SLC13A4: variants seen among roughly 807,000 people sequenced by gnomAD.
SLC13A4 encodes Na(+)/sulfate cotransporter SUT-1.
A neutral mutation model predicts 72.7 loss-of-function variants in SLC13A4; 28 were observed. The ratio of observed to expected loss-of-function variants is 0.39; its 90% CI spans 0.29 to 0.53. The LOEUF is 0.53. Ranked by LOEUF, SLC13A4 falls within the 20% of genes least tolerant of loss-of-function variation. The pLI is 0.78. For synonymous variants in SLC13A4, 312 were observed against 325.5 expected, an observed-to-expected ratio of 0.96 and a Z score of 0.45; for missense variants, 653 against 788.0, an observed-to-expected ratio of 0.83 and a Z score of 2.05.
chr7:135,684,267 A>G lies in SLC13A4; in HGVS notation c.1609-6T>C, dbSNP rs193073312. The stretch of plus-strand genomic sequence containing the variant: ...TTAATGTGCAGCGTTTCAGACTAGA[A>G]GAGAGAATTCACAGAAACATTCACG... On this transcript the variant is annotated splice_polypyrimidine_tract_variant and splice_region_variant and intron_variant, in intron 14 of 15. Transcript: ENST00000682651. 6.3e-7 allele frequency: 1 copy of G among 1,589,938 alleles called. No individual in the cohort carries two copies. The highest frequency in any genetic ancestry group is 8.6e-7 in the Non-Finnish European group (1 of 1,164,636).
intron 13 of SLC13A4, among the ~76,000 whole-genome samples, chr7:135,688,703 A>G (rs1037538022): frequency 3.9e-5 from 6 of 152,222 alleles, no homozygotes; most frequent in Non-Finnish European, 5.9e-5. Context: ...AAAACATTTT[A>G]CAATGGATTT....
At chr7:135,683,681 G>A (rs147013931) in intron 15 of SLC13A4, 1 of 985,430 alleles carries the variant, frequency 1.0e-6, no homozygotes, top group African/African-American at 1.7e-5. Context: ...CCGGGGTGGA[G>A]GGTGAGTTGA....
In SLC13A4 at chr7:135,687,670, C is replaced by G. The variant is rs185652380; in HGVS notation, c.1447-1987G>C. 6.3e-3 allele frequency among the ~76,000 whole-genome samples: 959 copies of G among 152,296 alleles called. 9 individuals carry two copies. Among genetic ancestry groups the G allele is most frequent in the Middle Eastern group, 0.01 (3 of 294 alleles). ...GCCTCCAGGAACTCTTTAATTGTTC[C>G]CTCTGGTAACACATTAAACCTTGCT... On this transcript the variant is annotated intron_variant, in intron 13 of 15. Transcript: ENST00000682651.
chr7:135,689,039 C>G (rs1423361151), intron 13 of SLC13A4: 1 of 151,976 alleles, frequency 6.6e-6, no homozygotes, highest in Non-Finnish European at 1.5e-5. Context: ...GTACGCACCA[C>G]CACACTGGGC....
rs1160400694 is a variant in SLC13A4, at chr7:135,699,505, A to G, written c.758T>C (p.Leu253Pro). ...ATGGTGGGACCTGTACTTTCTGTTC[A>G]GCTTCTGCTTCCTGGGGCTGGGGGT... ...VLTPSPRKQK[L>P]NRKYRSHHDQ... The change falls in exon 8 of 16, where the codon CTG (leucine) becomes CCG (proline). Residue 253 changes from leucine to proline, a missense_variant. Physicochemically the swap from Leu to Pro is moderately conservative, Grantham distance 98. Coordinates refer to ENST00000682651, the MANE Select transcript of SLC13A4 (RefSeq NM_001318192.2). 1.2e-6 allele frequency: 2 copies of G among 1,611,442 alleles called. No homozygotes were observed. Among genetic ancestry groups the G allele is most frequent in the South Asian group, 2.2e-5 (2 of 90,224 alleles).
chr7:135,712,558 C>G (rs1340906613), intron 2 of SLC13A4, among the ~76,000 whole-genome samples: 2 of 151,976 alleles, frequency 1.3e-5, no homozygotes, highest in East Asian at 3.9e-4. Flanking sequence ...GCTGGCATGG[C>G]CTGCCACATT....
chr7:135,698,953 T>A (rs542084381), intron 8 of SLC13A4, among the ~76,000 whole-genome samples: 2 of 152,178 alleles, frequency 1.3e-5, no homozygotes, highest in South Asian at 4.1e-4. Context: ...TTTTGTTTTT[T>A]AAATAGAGAC....
chr7:135,724,643 G>A (rs1428037458), intron 1 of SLC13A4, among the ~76,000 whole-genome samples: 1 of 152,098 alleles, frequency 6.6e-6, no homozygotes, highest in African/African-American at 2.4e-5. Context: ...TGTTAGACAT[G>A]CGACTAGGTT....
intron 1 of SLC13A4, among the ~76,000 whole-genome samples, chr7:135,723,003 T>C (rs1392962415): frequency 1.3e-5 from 2 of 152,178 alleles, no homozygotes; most frequent in Non-Finnish European, 2.9e-5. Context: ...TCCTGTGCAC[T>C]GTAAAAGAGC....
rs764044954 is a variant in SLC13A4, at chr7:135,721,540, G to A, written c.100-17C>T. 4 of 1,613,432 alleles carry A rather than the reference G, an allele frequency of 2.5e-6. No homozygotes were observed. In the Admixed American group the frequency reaches 5.0e-5, roughly 20 times the overall value. On this transcript the variant is annotated splice_polypyrimidine_tract_variant and intron_variant, in intron 1 of 15. Coordinates refer to ENST00000682651, the MANE Select transcript of SLC13A4 (RefSeq NM_001318192.2). ...CGAGGCCTCCTGCAAGGCAAGGAAA[G>A]GGGCCGTCATTCACAGGAATAGTCA...
In SLC13A4 at chr7:135,716,314, AAAT is replaced by A. The variant is rs1796433719; in HGVS notation, c.228+5078_228+5080del. 2.0e-5 allele frequency among the ~76,000 whole-genome samples: 3 copies of A among 152,156 alleles called. No individual in the cohort carries two copies. The South Asian group carries it at 6.2e-4, about 32-fold the overall frequency. ...ATTTATTAATTTTTAAAATTAAAAAAAATTTTTTTAGATGGAGCCTAGCTCTGT... is the reference window on the plus strand; with the variant it reads ...ATTTATTAATTTTTAAAATTAAAAAATTTTTTAGATGGAGCCTAGCTCTGT... On this transcript the variant is annotated intron_variant, in intron 2 of 15. Transcript: ENST00000682651.
Position 135,684,066 on chromosome 7 carries a change from C to G in SLC13A4, c.1746+58G>C. 8 of 1,513,276 alleles carry G rather than the reference C, an allele frequency of 5.3e-6. No homozygotes were observed. In the South Asian group the frequency reaches 1.1e-4, roughly 20 times the overall value. 93.7% of individuals were successfully genotyped at this position (1,513,276 alleles called of 1,614,324 possible). A position where few individuals can be genotyped will look rare whatever the true frequency, so the allele number is the denominator to read the frequency against. ...TAAGCTTTGAAAGAAGGCTGCAGAGCTGTCATCCCTGTCCTCATGGCAGCT... is the reference window on the plus strand; with the variant it reads ...TAAGCTTTGAAAGAAGGCTGCAGAGGTGTCATCCCTGTCCTCATGGCAGCT... On this transcript the variant is annotated intron_variant, in intron 15 of 15. Coordinates refer to ENST00000682651, the MANE Select transcript of SLC13A4 (RefSeq NM_001318192.2).
chr7:135,719,158 TCA>T (rs140114911), intron 2 of SLC13A4, among the ~76,000 whole-genome samples: 2,884 of 152,316 alleles, frequency 0.019, 61 homozygotes, highest in African/African-American at 0.053. Flanking sequence ...CCTTTATTTC[TCA>T]CAGAGTCCTG....
At chr7:135,699,286 C>T in intron 8 of SLC13A4, 78 bp downstream of exon 8, 2 of 1,318,312 alleles carry the variant, frequency 1.5e-6, no homozygotes, top group Non-Finnish European at 2.0e-6. Context: ...CATTTTCTAC[C>T]ATATCTCTAG....
chr7:135,712,889 TG>T (rs1796334576), intron 2 of SLC13A4, among the ~76,000 whole-genome samples: 1 of 152,204 alleles, frequency 6.6e-6, no homozygotes, highest in Non-Finnish European at 1.5e-5. Flanking sequence ...ACAGAGCCTG[TG>T]CATTCTCCCC....
chr7:135,697,704 A>C (rs1052116470), intron 8 of SLC13A4, among the ~76,000 whole-genome samples: 12 of 152,112 alleles, frequency 7.9e-5, no homozygotes, highest in African/African-American at 2.9e-4. Context: ...ATGCAGTCCA[A>C]GTTCCTCAGT....
In SLC13A4 at chr7:135,708,348, T is replaced by C. The variant is rs980415728; in HGVS notation, c.229-98A>G. The C allele has an allele frequency of 4.6e-6, 7 of 1,515,604 alleles. No individual in the cohort carries two copies. In the African/African-American group the frequency reaches 6.9e-5, roughly 15 times the overall value. The allele number at this position is 1,515,604 out of a possible 1,614,324, so 93.9% of individuals were successfully genotyped here. The stretch of plus-strand genomic sequence containing the variant: ...GGGCCATACCCAATAAAACCTGTTC[T>C]CAATCAAAGAGGCTGGCGAAGGGGA... On this transcript the variant is annotated intron_variant, in intron 2 of 15. Coordinates refer to ENST00000682651, the MANE Select transcript of SLC13A4 (RefSeq NM_001318192.2).
intron 2 of SLC13A4, among the ~76,000 whole-genome samples, chr7:135,719,523 T>C (rs1274562466): frequency 6.6e-6 from 1 of 152,214 alleles, no homozygotes; most frequent in Non-Finnish European, 1.5e-5. Flanking sequence ...CAAGCTTGTA[T>C]AGCTCTCTTA....
chr7:135,719,805 G>A (rs867871827), intron 2 of SLC13A4, among the ~76,000 whole-genome samples: 1,593 of 109,034 alleles, frequency 0.015, 20 homozygotes, highest in Middle Eastern at 0.02. Context: ...GTGTGTGTAT[G>A]TGTGTGTGTG....
Sources: allele counts gnomAD v4.1 joint callset (sites outside exome capture counted in the v4.1 genomes callset), GRCh38; gene constraint gnomAD v4.1.1; transcripts MANE v1.5; gene names NCBI Gene and HGNC (gene_info 2026-07-23, HGNC 2026-07-21).